FHL2: variants seen among roughly 807,000 people sequenced by gnomAD.
FHL2 encodes the protein four and a half LIM domains protein 2.
Under a neutral mutation model 32.7 loss-of-function variants are expected in FHL2, and 20 were observed. That is an observed-to-expected ratio of 0.61 (90% CI 0.43 to 0.89). The LOEUF is 0.89. Among genes scored for constraint, FHL2 ranks in the 40% least tolerant of loss-of-function variants. The pLI is 0.00. For synonymous variants in FHL2, 123 were observed against 128.1 expected (o/e 0.96, Z 0.27); for missense variants, 311 against 358.6 (o/e 0.87, Z 1.07).
chr2:105,389,296 G>A (rs935486714), intron 2 of FHL2, among the ~76,000 whole-genome samples: 1 of 152,202 alleles, frequency 6.6e-6, no homozygotes, highest in Non-Finnish European at 1.5e-5. Context: ...CAGCCATCTC[G>A]AGTTGGAGCA....
At chr2:105,363,752 G>T (rs1012495018) in intron 5 of FHL2, among the ~76,000 whole-genome samples, 1 of 152,210 alleles carries the variant, frequency 6.6e-6, no homozygotes, top group African/African-American at 2.4e-5. Flanking sequence ...GGGTGCCTCA[G>T]TGGTGTTGCC....
intron 5 of FHL2, among the ~76,000 whole-genome samples, chr2:105,365,511 G>T (rs1216070685): frequency 6.6e-6 from 1 of 152,120 alleles, no homozygotes; most frequent in African/African-American, 2.4e-5. Context: ...ACTTCCGTTA[G>T]GTCTTGATGA....
At chr2:105,401,808 C>T (rs1246915170), upstream of FHL2, among the ~76,000 whole-genome samples, 1 of 151,908 alleles carries the variant, frequency 6.6e-6, no homozygotes, top group Non-Finnish European at 1.5e-5. Context: ...AGAAACCAAC[C>T]ATTTGTGTTC....
At chr2:105,372,208 A>T (rs561090193) in intron 4 of FHL2, among the ~76,000 whole-genome samples, 3 of 146,338 alleles carry the variant, frequency 2.1e-5, no homozygotes, top group Admixed American at 1.4e-4. Context: ...TTAAAAAATG[A>T]TTATTCCTTA....
At chr2:105,423,705 C>A (rs1298704226) in intron 1 of FHL2, among the ~76,000 whole-genome samples, 1 of 152,122 alleles carries the variant, frequency 6.6e-6, no homozygotes, top group Non-Finnish European at 1.5e-5. Flanking sequence ...ATAACAGAGG[C>A]CTCAGAAACA....
At chr2:105,409,029 G>A (rs1003430296) in intron 1 of FHL2, among the ~76,000 whole-genome samples, 1 of 152,152 alleles carries the variant, frequency 6.6e-6, no homozygotes, top group Admixed American at 6.5e-5. Flanking sequence ...AGCAGGAGGT[G>A]GGGGTAGGAA....
chr2:105,427,618 A>G (rs1468684049), intron 1 of FHL2, among the ~76,000 whole-genome samples: 4 of 152,204 alleles, frequency 2.6e-5, no homozygotes, highest in Non-Finnish European at 5.9e-5. Context: ...AGGGAGTTAC[A>G]TCATTGGTCT....
chr2:105,426,673 G>A (rs2104676537), intron 1 of FHL2, among the ~76,000 whole-genome samples: 1 of 152,340 alleles, frequency 6.6e-6, no homozygotes, highest in South Asian at 2.1e-4. Flanking sequence ...ATGCAGAAGG[G>A]GGGCCAGGCA....
rs182049675 is a variant in FHL2, at chr2:105,430,766, T to G, written c.-25+7633A>C. 1.9e-4 allele frequency among the ~76,000 whole-genome samples: 29 copies of G among 152,276 alleles called. No individual in the cohort carries two copies. In the East Asian group the frequency reaches 5.4e-3, roughly 28 times the overall value. On this transcript the variant is annotated intron_variant, in intron 1 of 5. Coordinates refer to the FHL2 transcript ENST00000393352. ...CAAACCTACCTTGTCTGAAAGGAGA[T>G]CCTAAGACCTCATTCCACAGAGGTC...
At chr2:105,424,285 A>T (rs1684192718) in intron 1 of FHL2, among the ~76,000 whole-genome samples, 2 of 152,264 alleles carry the variant, frequency 1.3e-5, no homozygotes, top group African/African-American at 4.8e-5. Flanking sequence ...AATGCTCATC[A>T]TCACTGGCCA....
At chr2:105,406,409 T>C (rs770553276) in intron 1 of FHL2, among the ~76,000 whole-genome samples, 23 of 151,962 alleles carry the variant, frequency 1.5e-4, no homozygotes, top group African/African-American at 5.1e-4. Flanking sequence ...ATCAGATATC[T>C]GAACTATTCA....
At chr2:105,432,914 G>T (rs1684481273) in intron 1 of FHL2, among the ~76,000 whole-genome samples, 1 of 152,188 alleles carries the variant, frequency 6.6e-6, no homozygotes, top group Non-Finnish European at 1.5e-5. Context: ...TTGCAGAAGG[G>T]AAAAGTACTA....
intron 2 of FHL2, among the ~76,000 whole-genome samples, chr2:105,394,634 GA>G (rs1399470294): frequency 6.6e-6 from 1 of 151,600 alleles, no homozygotes; most frequent in Non-Finnish European, 1.5e-5. Context: ...AAGAAAGAAA[GA>G]AAAAAAGTAT....
intron 1 of FHL2, among the ~76,000 whole-genome samples, chr2:105,429,040 T>C (rs1684344098): frequency 6.6e-6 from 1 of 152,208 alleles, no homozygotes; most frequent in South Asian, 2.1e-4. Context: ...CTGTGAGCCT[T>C]TGGCGTCCTA....
chr2:105,388,073 A>C (rs1011976348), intron 2 of FHL2, among the ~76,000 whole-genome samples: 3 of 152,160 alleles, frequency 2.0e-5, no homozygotes, highest in African/African-American at 7.2e-5. Context: ...ATGAACACAA[A>C]GAGGTAAACA....
chr2:105,378,355 C>T (rs1014604556), intron 3 of FHL2: 4 of 372,962 alleles, frequency 1.1e-5, no homozygotes, highest in African/African-American at 2.1e-5. Context: ...CCTGTCCCCC[C>T]ACACCCTGCT....
chr2:105,358,406 T>C (rs568870680), downstream of FHL2: 77 of 152,318 alleles, frequency 5.1e-4, no homozygotes, highest in African/African-American at 1.7e-3. Flanking sequence ...CTAAGCAGGC[T>C]AGGGTAGGGG....
At chr2:105,408,604 G>T (rs1478570600) in intron 1 of FHL2, among the ~76,000 whole-genome samples, 2 of 152,232 alleles carry the variant, frequency 1.3e-5, no homozygotes, top group African/African-American at 4.8e-5. Context: ...GCACGTGGAT[G>T]CAGAGAAAGG....
intron 6 of FHL2, 63 bp downstream of exon 6, chr2:105,363,222 A>G (rs1573273222): frequency 6.5e-7 from 1 of 1,544,110 alleles, no homozygotes; most frequent in East Asian, 2.3e-5. Flanking sequence ...GTCACAGGCT[A>G]AAATGCTAGG....
Sources: allele counts gnomAD v4.1 joint callset (sites outside exome capture counted in the v4.1 genomes callset), GRCh38; gene constraint gnomAD v4.1.1; transcripts MANE v1.5; gene names NCBI Gene and HGNC (gene_info 2026-07-23, HGNC 2026-07-21).